The following CREBBP variants were observed in gnomAD, a reference collection of about 807,000 sequenced individuals.
CREBBP encodes the protein CREB binding lysine acetyltransferase, also known as CREB-binding protein.
Under a neutral mutation model 265.0 loss-of-function variants are expected in CREBBP, and 19 were observed. The observed-to-expected ratio is 0.07, with a 90% CI of 0.05 to 0.11. CREBBP has a LOEUF of 0.11. CREBBP is among the 10% of genes least tolerant of loss of function. CREBBP has a pLI of 1.00. For synonymous variants in CREBBP, 1,457 were observed against 1,223.7 expected, an observed-to-expected ratio of 1.19 and a Z score of -3.98; for missense variants, 2,525 against 3,219.0, an observed-to-expected ratio of 0.78 and a Z score of 5.22.
intron 1 of CREBBP, among the ~76,000 whole-genome samples, chr16:3,859,992 A>G (rs2055040113): frequency 6.6e-6 from 1 of 152,170 alleles, no homozygotes; most frequent in Admixed American, 6.5e-5. Flanking sequence ...AGCACAGGTA[A>G]AACAACTTGG....
At position 3,775,508 on chromosome 16, in the gene CREBBP, C is replaced by A. The variant is rs558167885; in HGVS notation, c.2159-815G>T. On this transcript the variant is annotated intron_variant, in intron 11 of 30. Transcript: ENST00000262367. ...GAATTTCTGGAAGGTGCTGCCTTAG[C>A]GCTGCTGTAGTCATGAGAAGGCTCA... Among the ~76,000 whole-genome samples, 13 of 152,302 alleles carry A rather than the reference C, an allele frequency of 8.5e-5. No individual in the cohort carries two copies. The East Asian group carries it at 2.5e-3, about 29-fold the overall frequency.
At chr16:3,876,406 A>AC (rs1163125155) in intron 1 of CREBBP, among the ~76,000 whole-genome samples, 1 of 144,680 alleles carries the variant, frequency 6.9e-6, no homozygotes, top group African/African-American at 2.7e-5. Flanking sequence ...GACCAAAAAA[A>AC]AAAAAAAAAA....
Position 3,769,157 on chromosome 16 carries a change from TA to T in CREBBP, c.3060+16del. 3.1e-6 allele frequency: 5 copies of T among 1,613,722 alleles called. No individual in the cohort carries two copies. The highest frequency in any genetic ancestry group is 4.2e-6 in the Non-Finnish European group (5 of 1,179,998). ...TTGCGATACGCAGTCAATGCATTCC[TA>T]GGGAGCGGCACCCACCTCAGACCTG... On this transcript the variant is annotated intron_variant, in intron 15 of 30. Coordinates refer to ENST00000262367, the MANE Select transcript of CREBBP (RefSeq NM_004380.3).
At chr16:3,819,767 A>G (rs942552027) in intron 2 of CREBBP, among the ~76,000 whole-genome samples, 1 of 152,226 alleles carries the variant, frequency 6.6e-6, no homozygotes, top group Non-Finnish European at 1.5e-5. Context: ...CTTAAATCAT[A>G]AGCAATAATG....
chr16:3,809,482 A>G (rs985102883), intron 3 of CREBBP, among the ~76,000 whole-genome samples: 3 of 152,034 alleles, frequency 2.0e-5, no homozygotes, highest in Non-Finnish European at 4.4e-5. Flanking sequence ...GGCCTCAACC[A>G]CCTTTTTAAA....
intron 10 of CREBBP, 74 bp from the exon 11 acceptor site, chr16:3,777,731 A>G (rs981087027): frequency 1.9e-6 from 3 of 1,561,192 alleles, no homozygotes; most frequent in Non-Finnish European, 2.6e-6. Flanking sequence ...AGGAATAGGA[A>G]ATTTCTTATT....
chr16:3,792,876 T>C (rs1190354335), intron 4 of CREBBP, among the ~76,000 whole-genome samples: 2 of 152,182 alleles, frequency 1.3e-5, no homozygotes, highest in South Asian at 2.1e-4. Flanking sequence ...ATACAGTGCA[T>C]AGTTCCCCAT....
intron 3 of CREBBP, among the ~76,000 whole-genome samples, chr16:3,800,685 C>T (rs910265599): frequency 6.6e-6 from 1 of 152,004 alleles, no homozygotes; most frequent in African/African-American, 2.4e-5. Flanking sequence ...TGCCACTGTA[C>T]CCCAGCCTGG....
intron 2 of CREBBP, among the ~76,000 whole-genome samples, chr16:3,835,473 C>G (rs1193518182): frequency 6.6e-6 from 1 of 151,956 alleles, no homozygotes; most frequent in African/African-American, 2.4e-5. Context: ...AAACAGACAC[C>G]TCCTTGTACA....
chr16:3,852,152 AATTTGT>A (rs1313744967), intron 1 of CREBBP, among the ~76,000 whole-genome samples: 4 of 116,416 alleles, frequency 3.4e-5, no homozygotes, highest in African/African-American at 1.2e-4. Flanking sequence ...GCCAATCTTA[AATTTGT>A]TTTTTTTTTT....
chr16:3,811,063 C>CTT (rs1567331749), intron 2 of CREBBP, among the ~76,000 whole-genome samples: 2 of 152,012 alleles, frequency 1.3e-5, no homozygotes, highest in Non-Finnish European at 2.9e-5. Flanking sequence ...CACCAACACC[C>CTT]GAAGAAAGTC....
At chr16:3,730,023 G>C (rs1214232974) in intron 30 of CREBBP, 149 bp from the exon 31 acceptor site, 2 of 1,340,376 alleles carry the variant, frequency 1.5e-6, no homozygotes, top group Admixed American at 2.0e-5. Flanking sequence ...AGCACGGACA[G>C]GTGGGAGACC....
chr16:3,871,173 GAT>G (rs751630612), intron 1 of CREBBP, among the ~76,000 whole-genome samples: 8 of 137,536 alleles, frequency 5.8e-5, no homozygotes, highest in African/African-American at 1.4e-4. Context: ...CCCTTTTAGA[GAT>G]CTCTCTCTCT....
intron 23 of CREBBP, among the ~76,000 whole-genome samples, chr16:3,744,044 CCA>C (rs2052281127): frequency 6.6e-6 from 1 of 152,104 alleles, no homozygotes; most frequent in South Asian, 2.1e-4. Context: ...CCACTGCACT[CCA>C]GCCTGGCGAC....
chr16:3,776,177 C>T (rs1326893040), intron 11 of CREBBP, among the ~76,000 whole-genome samples: 1 of 152,186 alleles, frequency 6.6e-6, no homozygotes, highest in Non-Finnish European at 1.5e-5. Flanking sequence ...TTCGGCCTCC[C>T]AAAGTGCTGG....
intron 13 of CREBBP, 157 bp downstream of exon 13, chr16:3,773,594 G>C: frequency 1.3e-6 from 1 of 778,820 alleles, no homozygotes; most frequent in Non-Finnish European, 2.0e-6. Context: ...AAGGACTACA[G>C]GACAAAGGTG....
chr16:3,728,916 G>A lies in CREBBP; in HGVS notation c.6131C>T (p.Ala2044Val), dbSNP rs765415312. Residue 2044 changes from alanine (A) to valine (V), a missense_variant, in exon 31 of 31, where the codon GCC (alanine) becomes GTC (valine). Around this residue, in one of 19 missense-constraint regions of CREBBP, gnomAD observed 275 missense variants for 276.5 expected, o/e 0.99. Transcript: ENST00000262367. This position sits in a 1 kb window ranked among gnomAD's most constrained non-coding sequence, Gnocchi z 8.7. ...CCGGGGCCCAGCCACGGCCGCCTGG[G>A]CCTGCATGGATATCACAGGCCTGGG... ...GLPRPVISMQAQAAVAGPRMP... is the reference protein window; with the variant it reads ...GLPRPVISMQVQAAVAGPRMP... 75 of 1,606,292 alleles carry A rather than the reference G, an allele frequency of 4.7e-5. No individual in the cohort carries two copies. The highest frequency in any genetic ancestry group is 6.0e-5 in the Non-Finnish European group (71 of 1,179,210).
At chr16:3,789,690 C>A (rs1167433200) in intron 5 of CREBBP, among the ~76,000 whole-genome samples, 1 of 151,684 alleles carries the variant, frequency 6.6e-6, no homozygotes, top group Non-Finnish European at 1.5e-5. Context: ...TTGCTGAAAC[C>A]TTGTCAATCA....
intron 1 of CREBBP, among the ~76,000 whole-genome samples, chr16:3,858,161 C>T (rs1226546763): frequency 6.6e-6 from 1 of 152,164 alleles, no homozygotes; most frequent in Non-Finnish European, 1.5e-5. Context: ...GATCAGAAAT[C>T]AGCATTTCAC....
Sources: gnomAD v4.1 joint callset for allele counts (sites outside exome capture counted in the v4.1 genomes callset) on GRCh38, gnomAD v4.1.1 for gene constraint, gnomAD v4.1.1 regional missense constraint, Gnocchi (gnomAD v3.1) non-coding constraint, MANE v1.5 for transcripts, NCBI Gene and HGNC (gene_info 2026-07-23, HGNC 2026-07-21) for gene names.